Variants in HSF1 observed in about 807,000 individuals in gnomAD.
HSF1 encodes the protein heat shock factor protein 1.
A neutral mutation model predicts 51.7 loss-of-function variants in HSF1; 32 were observed. The ratio of observed to expected loss-of-function variants is 0.62; its 90% confidence interval spans 0.47 to 0.83. The LOEUF is 0.83. Among genes scored for constraint, HSF1 ranks in the 40% least tolerant of loss-of-function variants. The probability of loss-of-function intolerance (pLI) is 0.00; values close to 1 mark genes in which losing one functional copy is unlikely to be tolerated. For synonymous variants in HSF1, 396 were observed against 309.7 expected (o/e 1.28, Z -2.92); for missense variants, 727 against 717.0 (o/e 1.01, Z -0.16).
chr8:144,294,255 G>A (rs1815309135), intron 1 of HSF1, among the ~76,000 whole-genome samples: 1 of 152,168 alleles, frequency 6.6e-6, no homozygotes, highest in African/African-American at 2.4e-5. Context: ...CCTGGAGAAA[G>A]GAGGTGATCA....
At chr8:144,295,464 G>C (rs2130317249) in intron 1 of HSF1, among the ~76,000 whole-genome samples, 1 of 152,388 alleles carries the variant, frequency 6.6e-6, no homozygotes, top group South Asian at 2.1e-4. Context: ...ATGCTAGAAT[G>C]ATGGTCACGC....
Position 144,313,627 on chromosome 8 carries a change from C to G in HSF1, c.1248+11C>G. On this transcript the variant is annotated intron_variant, in intron 10 of 12. Coordinates refer to ENST00000528838, the MANE Select transcript of HSF1 (RefSeq NM_005526.4). ...AGTGCCCTGCTGGACGTGAGTGGAG[C>G]CCCGCCGCCCCGCCTCCCCGCCCCG... 8.0e-7 allele frequency: 1 copy of G among 1,253,168 alleles called. No homozygotes were observed. Among genetic ancestry groups the G allele is most frequent in the Middle Eastern group, 2.6e-4 (1 of 3,880 alleles). The allele number at this position is 1,253,168 out of a possible 1,614,324, so 77.6% of individuals were successfully genotyped here. A position where few individuals can be genotyped will look rare whatever the true frequency, so the allele number is the denominator to read the frequency against.
Position 144,312,120 on chromosome 8 carries a change from C to A in HSF1, c.1018C>A (p.Pro340Thr). The change falls in exon 9 of 13, where the codon CCT (proline) becomes ACT (threonine). Residue 340 changes from proline to threonine, a missense_variant. Transcript: ENST00000528838. ...LIDSILRESEPAPASVTALTD... is the reference protein window; with the variant it reads ...LIDSILRESETAPASVTALTD... ...TGACTCCATCCTGCGGGAGAGTGAA[C>A]CTGCCCCCGCCTCCGTCACAGCCCT... 2 of 1,612,318 alleles carry A rather than the reference C, an allele frequency of 1.2e-6. No individual in the cohort carries two copies. The highest frequency in any genetic ancestry group is 1.1e-5 in the South Asian group (1 of 91,080).
intron 1 of HSF1, chr8:144,293,680 C>G (rs571089615): frequency 6.6e-6 from 1 of 151,954 alleles, no homozygotes; most frequent in African/African-American, 2.4e-5. Context: ...TCAAGTTATC[C>G]ACCCGCCTTG....
At chr8:144,306,455 G>A (rs782510181) in intron 1 of HSF1, among the ~76,000 whole-genome samples, 2 of 151,726 alleles carry the variant, frequency 1.3e-5, no homozygotes, top group Non-Finnish European at 2.9e-5. Context: ...CTTCACCTCC[G>A]GAGCTCAAGG....
In HSF1 at chr8:144,309,537, C is replaced by T. The variant is rs1554843888; in HGVS notation, c.309C>T (p.Cys103=). Residue 103 remains cysteine, a synonymous_variant, in exon 3 of 13, where the codon TGC becomes TGT. Transcript: ENST00000528838. ...ERDDTEFQHP[C]FLRGQEQLLE... ...ACGACACGGAGTTCCAGCACCCATG[C>T]TTCCTGCGTGGCCAGGAGCAGCTCC... 1 of 1,614,072 alleles carries T rather than the reference C, an allele frequency of 6.2e-7. No homozygotes were observed. The highest frequency in any genetic ancestry group is 1.1e-5 in the South Asian group (1 of 91,086).
In HSF1 at chr8:144,308,395, C is replaced by T. The variant is rs1471970551; in HGVS notation, c.118-511C>T. ...TGTCTCTGTTTCTTGTCTCACGTCA[C>T]AAAACAAGACTGAATTTGGATTTCT... is the stretch of plus-strand genomic sequence containing the variant. On this transcript the variant is annotated intron_variant, in intron 1 of 12. Transcript: ENST00000528838. 2.0e-5 allele frequency among the ~76,000 whole-genome samples: 3 copies of T among 152,232 alleles called. No homozygotes were observed. In the East Asian group the frequency reaches 5.8e-4, roughly 29 times the overall value.
chr8:144,312,907 G>A (rs7008457), intron 9 of HSF1: 313,866 of 600,338 alleles, frequency 0.52, 83,451 homozygotes, highest in Admixed American at 0.67. Flanking sequence ...GCCTGTGACA[G>A]GGATGACAGG....
At position 144,314,384 on chromosome 8, in the gene HSF1, G is replaced by A; in HGVS notation, c.*54G>A. The A allele has an allele frequency of 6.8e-7, 1 of 1,471,448 alleles. No homozygotes were observed. The highest frequency in any genetic ancestry group is 9.2e-7 in the Non-Finnish European group (1 of 1,082,462). 91.1% of individuals were successfully genotyped at this position (1,471,448 alleles called of 1,614,324 possible). ...CACCCCCACCCCCAGTGCAGGGCTG[G>A]TCTTGGGGAGGCAGGGCAGCCTCGC... On this transcript the variant is annotated 3_prime_UTR_variant, in exon 13 of 13. Transcript: ENST00000528838.
At chr8:144,296,123 T>A (rs1554841239) in intron 1 of HSF1, among the ~76,000 whole-genome samples, 1 of 152,092 alleles carries the variant, frequency 6.6e-6, no homozygotes, top group Non-Finnish European at 1.5e-5. Flanking sequence ...GGAGGGTCTC[T>A]GGGTGGACAA....
chr8:144,301,333 C>T (rs1303651923), intron 1 of HSF1, among the ~76,000 whole-genome samples: 1 of 150,790 alleles, frequency 6.6e-6, no homozygotes, highest in African/African-American at 2.4e-5. Flanking sequence ...GCGGGAGGAT[C>T]ACCTGAGTGC....
At position 144,311,775 on chromosome 8, in the gene HSF1, G is replaced by C; in HGVS notation, c.799G>C (p.Asp267His). 1 of 1,612,730 alleles carries C rather than the reference G, an allele frequency of 6.2e-7. No homozygotes were observed. Among genetic ancestry groups the C allele is most frequent in the South Asian group, 1.1e-5 (1 of 91,026 alleles). The stretch of plus-strand genomic sequence containing the variant: ...GGCCAGCTCTGGACCCATCATCTCC[G>C]ACATCACCGAGCTGGCTCCTGCCAG... Reference protein sequence around the residue: ...AVASSGPIISDITELAPASPM... With the variant: ...AVASSGPIISHITELAPASPM... Residue 267 changes from aspartate (D) to histidine (H), a missense_variant, in exon 8 of 13, where the codon GAC becomes CAC. Around this residue, in one of 2 missense-constraint regions of HSF1, gnomAD observed 470 missense variants for 398.8 expected, o/e 1.18. Coordinates refer to ENST00000528838, the MANE Select transcript of HSF1 (RefSeq NM_005526.4).
chr8:144,304,148 G>A (rs1000388583), intron 1 of HSF1, among the ~76,000 whole-genome samples: 1 of 151,758 alleles, frequency 6.6e-6, no homozygotes, highest in African/African-American at 2.4e-5. Context: ...ATTGAGGGGA[G>A]AAGGGTCCCC....
At chr8:144,313,228 TG>T (rs2130462652) in intron 9 of HSF1, 1 of 467,686 alleles carries the variant, frequency 2.1e-6, no homozygotes, top group East Asian at 3.7e-5. Context: ...ATCCTTGTGC[TG>T]GAGCTGAATA....
Position 144,314,655 on chromosome 8 carries a change from G to GAT in HSF1, c.*331_*332dup. On this transcript the variant is annotated 3_prime_UTR_variant, in exon 13 of 13. Transcript: ENST00000528838. The stretch of plus-strand genomic sequence containing the variant: ...GTTCCCCGCTCCACAGAGATACACA[G>GAT]ATATATACACACAGTGGATGGACGG... The GAT allele has an allele frequency of 2.6e-6, 1 of 389,924 alleles. No individual in the cohort carries two copies. Among genetic ancestry groups the GAT allele is most frequent in the Admixed American group, 3.8e-5 (1 of 26,602 alleles). 24.2% of individuals were successfully genotyped at this position (389,924 alleles called of 1,614,324 possible).
Position 144,313,974 on chromosome 8 carries a change from C to T in HSF1, c.1315-11C>T, listed in dbSNP as rs782461954. On this transcript the variant is annotated splice_polypyrimidine_tract_variant and intron_variant, in intron 11 of 12. Transcript: ENST00000528838. ...AGCGGGAGTGCTCACAATACCGTCT[C>T]CACCCCACAGATCCAAGAGCTCCTG... is the stretch of plus-strand genomic sequence containing the variant. 7 of 1,611,140 alleles carry T rather than the reference C, an allele frequency of 4.3e-6. No homozygotes were observed. The South Asian group carries it at 7.7e-5, about 18-fold the overall frequency.
chr8:144,313,293 A>G, intron 9 of HSF1: 1 of 534,100 alleles, frequency 1.9e-6, no homozygotes, highest in Non-Finnish European at 3.3e-6. Flanking sequence ...CCTCATGGCA[A>G]AGGGATGCCC....
intron 1 of HSF1, among the ~76,000 whole-genome samples, chr8:144,307,598 G>A (rs1260141022): frequency 1.3e-5 from 2 of 151,706 alleles, no homozygotes; most frequent in African/African-American, 4.8e-5. Context: ...AAATGAGCCG[G>A]GCGTGGTGGC....
At chr8:144,295,092 C>G (rs991840348) in intron 1 of HSF1, among the ~76,000 whole-genome samples, 2 of 152,158 alleles carry the variant, frequency 1.3e-5, no homozygotes, top group Non-Finnish European at 2.9e-5. Flanking sequence ...CCTCCCTGCC[C>G]CGTGCCCTGG....
Sources: gnomAD v4.1 joint callset for allele counts (sites outside exome capture counted in the v4.1 genomes callset) on GRCh38, gnomAD v4.1.1 for gene constraint, gnomAD v4.1.1 regional missense constraint, MANE v1.5 for transcripts, NCBI Gene and HGNC (gene_info 2026-07-23, HGNC 2026-07-21) for gene names.